TG: variants seen among roughly 807,000 people sequenced by gnomAD.
The protein encoded by TG is thyroid hormones.
In TG, 270 loss-of-function variants were observed where a neutral mutation model predicts 324.7. The observed-to-expected ratio is 0.83, with a 90% CI of 0.75 to 0.92. The LOEUF is 0.92. Ranked by LOEUF, TG falls within the 40% of genes least tolerant of loss-of-function variation. The probability of loss-of-function intolerance (pLI) is 0.00; values close to 1 mark genes in which losing one functional copy is unlikely to be tolerated. For synonymous variants in TG, 1,401 were observed against 1,327.0 expected, an observed-to-expected ratio of 1.06 and a Z score of -1.21; for missense variants, 3,591 against 3,456.4, an observed-to-expected ratio of 1.04 and a Z score of -0.98.
At chr8:133,066,896 G>A (rs1274004093) in intron 41 of TG, among the ~76,000 whole-genome samples, 4 of 152,138 alleles carry the variant, frequency 2.6e-5, no homozygotes, top group African/African-American at 4.8e-5. Context: ...CTAACTCACT[G>A]TGCAAGCTTG....
chr8:133,097,206 A>G (rs1044124596), intron 43 of TG, among the ~76,000 whole-genome samples: 6 of 152,228 alleles, frequency 3.9e-5, no homozygotes, highest in Admixed American at 3.3e-4. Flanking sequence ...CCGGAATTTT[A>G]TTAAATCATG....
intron 35 of TG, chr8:133,003,117 T>C: frequency 1.2e-6 from 1 of 811,388 alleles, no homozygotes; most frequent in Non-Finnish European, 1.5e-6. Flanking sequence ...GCTGAAAGGC[T>C]TTTTGGCAAT....
intron 37 of TG, among the ~76,000 whole-genome samples, chr8:133,017,033 G>A (rs973212331): frequency 1.3e-5 from 2 of 152,172 alleles, no homozygotes; most frequent in South Asian, 2.1e-4. Flanking sequence ...CAACCTTGGC[G>A]CAGAGAGAGG....
chr8:133,088,169 A>G (rs1366733218), intron 41 of TG, among the ~76,000 whole-genome samples: 1 of 152,182 alleles, frequency 6.6e-6, no homozygotes, highest in Non-Finnish European at 1.5e-5. Flanking sequence ...CCCTTGTCTC[A>G]CAAGGCCTTT....
At chr8:133,102,213 A>C (rs1279250998) in intron 43 of TG, among the ~76,000 whole-genome samples, 2 of 152,236 alleles carry the variant, frequency 1.3e-5, no homozygotes, top group Non-Finnish European at 2.9e-5. Context: ...GAACCACCTC[A>C]GCTGACCTGA....
chr8:132,988,361 G>A (rs1227050204), intron 35 of TG, among the ~76,000 whole-genome samples: 1 of 152,182 alleles, frequency 6.6e-6, no homozygotes, highest in African/African-American at 2.4e-5. Flanking sequence ...ATGGGGACAT[G>A]CATCAGCAAG....
chr8:132,927,254 C>T (rs2132511095), intron 22 of TG, among the ~76,000 whole-genome samples: 1 of 152,194 alleles, frequency 6.6e-6, no homozygotes, highest in Admixed American at 6.5e-5. Flanking sequence ...GCCTATCCCT[C>T]CTTTCCTCAT....
At chr8:132,940,278 G>A (rs983218315) in intron 25 of TG, among the ~76,000 whole-genome samples, 2 of 152,190 alleles carry the variant, frequency 1.3e-5, no homozygotes, top group African/African-American at 4.8e-5. Flanking sequence ...GTGTAAACCC[G>A]AGCCAGACAG....
intron 45 of TG, among the ~76,000 whole-genome samples, chr8:133,123,505 C>T (rs928673523): frequency 6.6e-6 from 1 of 152,140 alleles, no homozygotes; most frequent in African/African-American, 2.4e-5. Context: ...TTTCAAGGCA[C>T]CACCTGCTTA....
chr8:133,045,347 TC>T (rs1371091612), intron 41 of TG, among the ~76,000 whole-genome samples: 1 of 151,234 alleles, frequency 6.6e-6, no homozygotes, highest in African/African-American at 2.4e-5. Flanking sequence ...CATCACATGG[TC>T]CTTACAGGTT....
intron 24 of TG, among the ~76,000 whole-genome samples, chr8:132,934,548 C>T (rs1032536378): frequency 2.0e-5 from 3 of 152,136 alleles, no homozygotes; most frequent in South Asian, 2.1e-4. Context: ...AACACGTGCT[C>T]GTGCATAAAC....
chr8:133,006,582 C>G (rs892817993), intron 35 of TG, among the ~76,000 whole-genome samples: 5 of 152,056 alleles, frequency 3.3e-5, no homozygotes, highest in African/African-American at 1.2e-4. Context: ...TGAATGAATA[C>G]ATGATTGAAA....
intron 43 of TG, among the ~76,000 whole-genome samples, chr8:133,099,555 C>T (rs1438161492): frequency 6.6e-6 from 1 of 152,194 alleles, no homozygotes; most frequent in Non-Finnish European, 1.5e-5. Flanking sequence ...GCCCACTTGA[C>T]ATCTTCACTT....
At chr8:132,997,939 G>A (rs1327729439) in intron 35 of TG, among the ~76,000 whole-genome samples, 1 of 152,086 alleles carries the variant, frequency 6.6e-6, no homozygotes, top group Non-Finnish European at 1.5e-5. Flanking sequence ...GAGAAACTTT[G>A]GGTTAAAGTG....
At chr8:133,009,138 A>T (rs2130873411) in intron 35 of TG, among the ~76,000 whole-genome samples, 1 of 152,356 alleles carries the variant, frequency 6.6e-6, no homozygotes, top group Middle Eastern at 3.4e-3. Flanking sequence ...TCTCCCAGAC[A>T]TCAACCTAAA....
intron 22 of TG, 97 bp downstream of exon 22, chr8:132,923,605 C>T (rs1587422979): frequency 3.5e-6 from 5 of 1,410,436 alleles, no homozygotes; most frequent in Non-Finnish European, 3.8e-6. Flanking sequence ...GTGCATTTGT[C>T]TCCAACTTTT....
chr8:133,093,032 C>A (rs1275281345), intron 41 of TG, among the ~76,000 whole-genome samples: 1 of 152,180 alleles, frequency 6.6e-6, no homozygotes, highest in Non-Finnish European at 1.5e-5. Context: ...ATTCACATCT[C>A]CTCTCTGCCT....
At chr8:133,047,496 A>G (rs1303750738) in intron 41 of TG, 1 of 333,544 alleles carries the variant, frequency 3.0e-6, no homozygotes, top group Non-Finnish European at 5.8e-6. Context: ...GCCCAGGCCC[A>G]TACCAAAGGC....
chr8:132,942,653 C>G (rs1029967200), intron 26 of TG, among the ~76,000 whole-genome samples: 1 of 152,102 alleles, frequency 6.6e-6, no homozygotes, highest in Non-Finnish European at 1.5e-5. Context: ...ATTTATTCAT[C>G]GCTGCTGGCG....
Sources: allele counts gnomAD v4.1 joint callset (sites outside exome capture counted in the v4.1 genomes callset), GRCh38; gene constraint gnomAD v4.1.1; transcripts MANE v1.5; gene names NCBI Gene and HGNC (gene_info 2026-07-23, HGNC 2026-07-21).